Variants in RIT2 observed in about 807,000 individuals in gnomAD.
RIT2 encodes the protein Ras like without CAAX 2.
RIT2 carries 24 observed loss-of-function variants against 23.7 expected under a neutral mutation model. The ratio of observed to expected loss-of-function variants is 1.01; its 90% CI spans 0.73 to 1.43. The LOEUF is 1.43. RIT2 is among the 40% of genes most tolerant of loss of function. The probability of loss-of-function intolerance (pLI) is 0.00; values close to 1 mark genes in which losing one functional copy is unlikely to be tolerated. For synonymous variants in RIT2, 107 were observed against 91.1 expected (o/e 1.17, Z -0.99); for missense variants, 236 against 266.9 (o/e 0.88, Z 0.81).
intron 4 of RIT2, among the ~76,000 whole-genome samples, chr18:42,777,848 T>G (rs1030662559): frequency 2.0e-5 from 3 of 152,218 alleles, no homozygotes; most frequent in Admixed American, 1.3e-4. Flanking sequence ...TCTGGAATTT[T>G]TAGCCAGCAT....
At chr18:42,827,553 TA>T (rs1267424995) in intron 4 of RIT2, among the ~76,000 whole-genome samples, 1 of 150,548 alleles carries the variant, frequency 6.6e-6, no homozygotes, top group Non-Finnish European at 1.5e-5. Flanking sequence ...ATTTCCAGCA[TA>T]AAAAAGAAAA....
intron 2 of RIT2, among the ~76,000 whole-genome samples, chr18:43,010,278 G>T: frequency 6.6e-6 from 1 of 151,730 alleles, no homozygotes; most frequent in Non-Finnish European, 1.5e-5. Context: ...TCCTCTAATA[G>T]AAAGGAATTA....
chr18:42,759,290 A>T (rs1396357354), intron 4 of RIT2, among the ~76,000 whole-genome samples: 1 of 152,154 alleles, frequency 6.6e-6, no homozygotes, highest in Non-Finnish European at 1.5e-5. Flanking sequence ...CATTTCTGTC[A>T]ATGTTTCTTA....
chr18:42,983,664 A>G (rs1910645957), intron 2 of RIT2, among the ~76,000 whole-genome samples: 1 of 152,084 alleles, frequency 6.6e-6, no homozygotes, highest in Non-Finnish European at 1.5e-5. Context: ...TAAAAGCAAA[A>G]AATAGGCAAT....
intron 1 of RIT2, among the ~76,000 whole-genome samples, chr18:43,077,521 T>G (rs1284979483): frequency 1.3e-5 from 2 of 152,200 alleles, no homozygotes; most frequent in African/African-American, 2.4e-5. Context: ...ACTTGAAATC[T>G]TATCTGTTTT....
intron 1 of RIT2, among the ~76,000 whole-genome samples, chr18:43,072,099 C>A (rs1028730355): frequency 6.6e-6 from 1 of 152,044 alleles, no homozygotes; most frequent in Non-Finnish European, 1.5e-5. Context: ...GAATCTCCTG[C>A]CTCAGCCTCC....
chr18:42,921,268 C>T (rs1909049670), intron 4 of RIT2, among the ~76,000 whole-genome samples: 2 of 152,132 alleles, frequency 1.3e-5, no homozygotes, highest in Non-Finnish European at 2.9e-5. Flanking sequence ...TTACTGGAGA[C>T]AGTGGTACAC....
intron 4 of RIT2, among the ~76,000 whole-genome samples, chr18:42,797,658 T>A (rs1470479131): frequency 1.3e-5 from 2 of 152,150 alleles, no homozygotes; most frequent in Non-Finnish European, 2.9e-5. Flanking sequence ...CTATGAGGCC[T>A]TGAAGCAGTA....
intron 4 of RIT2, among the ~76,000 whole-genome samples, chr18:42,799,347 T>C (rs796827445): frequency 8.5e-5 from 13 of 152,336 alleles, no homozygotes; most frequent in African/African-American, 3.1e-4. Flanking sequence ...GTAGAATTTC[T>C]TACTATTGCA....
At chr18:43,018,707 T>C (rs1157606715) in intron 2 of RIT2, among the ~76,000 whole-genome samples, 1 of 151,960 alleles carries the variant, frequency 6.6e-6, no homozygotes, top group Non-Finnish European at 1.5e-5. Context: ...CTAAGTAATG[T>C]TATTCCTCAT....
At chr18:43,045,959 T>C (rs1222608896) in intron 1 of RIT2, among the ~76,000 whole-genome samples, 1 of 152,190 alleles carries the variant, frequency 6.6e-6, no homozygotes, top group Non-Finnish European at 1.5e-5. Context: ...ATAATCTTTA[T>C]AATATTATAT....
chr18:42,777,063 G>A (rs1394121669), intron 4 of RIT2, among the ~76,000 whole-genome samples: 1 of 152,102 alleles, frequency 6.6e-6, no homozygotes, highest in East Asian at 1.9e-4. Context: ...CAGATTGCAT[G>A]TGGGTTTAAA....
At chr18:43,099,027 C>T (rs187243936) in intron 1 of RIT2, among the ~76,000 whole-genome samples, 3 of 152,102 alleles carry the variant, frequency 2.0e-5, no homozygotes, top group South Asian at 2.1e-4. Context: ...GGGAGATGAA[C>T]TTTTCTGATT....
intron 1 of RIT2, among the ~76,000 whole-genome samples, chr18:43,037,333 G>A (rs926884163): frequency 6.6e-6 from 1 of 152,098 alleles, no homozygotes; most frequent in Non-Finnish European, 1.5e-5. Flanking sequence ...TTATTTAAAA[G>A]TTTCCCTTAT....
intron 3 of RIT2, among the ~76,000 whole-genome samples, chr18:42,951,040 C>T (rs1367458937): frequency 6.6e-6 from 1 of 152,056 alleles, no homozygotes; most frequent in East Asian, 1.9e-4. Context: ...GCAGAACTGC[C>T]ATTTGACCCA....
At chr18:43,044,991 T>C (rs1239296508) in intron 1 of RIT2, among the ~76,000 whole-genome samples, 1 of 152,162 alleles carries the variant, frequency 6.6e-6, no homozygotes, top group African/African-American at 2.4e-5. Context: ...ATATTACCAG[T>C]CATTATTTAT....
chr18:42,764,445 C>T (rs1458530271), intron 4 of RIT2, among the ~76,000 whole-genome samples: 2 of 152,152 alleles, frequency 1.3e-5, no homozygotes, highest in African/African-American at 4.8e-5. Context: ...TATGCTATAC[C>T]CTAGCTACGT....
intron 2 of RIT2, among the ~76,000 whole-genome samples, chr18:43,022,119 T>C (rs1239783521): frequency 6.6e-6 from 1 of 152,152 alleles, no homozygotes; most frequent in African/African-American, 2.4e-5. Context: ...GGAATACTAC[T>C]TGGCCATAAA....
At chr18:42,943,755 A>C (rs182915551) in intron 3 of RIT2, among the ~76,000 whole-genome samples, 2 of 152,272 alleles carry the variant, frequency 1.3e-5, no homozygotes, top group African/African-American at 4.8e-5. Flanking sequence ...ATGTAAAATC[A>C]AAGTTTCCAA....
Sources: allele counts gnomAD v4.1 joint callset (sites outside exome capture counted in the v4.1 genomes callset), GRCh38; gene constraint gnomAD v4.1.1; transcripts MANE v1.5; gene names NCBI Gene and HGNC (gene_info 2026-07-23, HGNC 2026-07-21).